Variants in DENND1A observed in about 807,000 individuals in gnomAD.
DENND1A encodes DENN domain containing 1A, also known as DENN domain-containing protein 1A.
Under a neutral mutation model 113.7 loss-of-function variants are expected in DENND1A, and 51 were observed. The observed-to-expected ratio is 0.45, with a 90% CI of 0.36 to 0.57. The LOEUF is 0.57. Among genes scored for constraint, DENND1A ranks in the 20% least tolerant of loss-of-function variants. The probability of loss-of-function intolerance (pLI) is 0.00; values close to 1 mark genes in which losing one functional copy is unlikely to be tolerated. For missense variants in DENND1A, 1,258 were observed against 1,395.9 expected, an observed-to-expected ratio of 0.90 and a Z score of 1.57; for synonymous variants, 565 against 570.8, an observed-to-expected ratio of 0.99 and a Z score of 0.14.
intron 14 of DENND1A, 139 bp from the exon 15 acceptor site, chr9:123,457,574 C>T (rs1012658271): frequency 6.8e-5 from 54 of 794,756 alleles, no homozygotes; most frequent in Non-Finnish European, 3.6e-5. Context: ...TCTAAAATAC[C>T]GGCTGCATAT....
chr9:123,642,066 G>A (rs1312109684), intron 9 of DENND1A, among the ~76,000 whole-genome samples: 1 of 152,196 alleles, frequency 6.6e-6, no homozygotes, highest in Non-Finnish European at 1.5e-5. Context: ...ACCATGGCTG[G>A]TTGAAGTCAC....
intron 2 of DENND1A, among the ~76,000 whole-genome samples, chr9:123,812,930 T>C (rs1836865499): frequency 6.6e-6 from 1 of 152,140 alleles, no homozygotes; most frequent in Non-Finnish European, 1.5e-5. Flanking sequence ...AAGAGTCAAG[T>C]CTTTTTCAAC....
In DENND1A at chr9:123,723,571, T is replaced by C. The variant is rs150336677; in HGVS notation, c.302+34132A>G. Among the ~76,000 whole-genome samples, 397 of 152,264 alleles carry C rather than the reference T, an allele frequency of 2.6e-3. 1 individual carries two copies. Among genetic ancestry groups the C allele is most frequent in the Admixed American group, 3.7e-3 (56 of 15,296 alleles). ...AGGTAACTTATTCATGGGGGTGGTC[T>C]TTCCCATGCTGTTCTCGTGACAATG... On this transcript the variant is annotated intron_variant, in intron 5 of 23. Transcript: ENST00000394215.
At chr9:123,609,140 C>T (rs900413840) in intron 11 of DENND1A, among the ~76,000 whole-genome samples, 3 of 152,178 alleles carry the variant, frequency 2.0e-5, no homozygotes, top group Non-Finnish European at 4.4e-5. Flanking sequence ...TTTTGAAAAG[C>T]AAATCATTTC....
chr9:123,860,017 G>C (rs1481124924), intron 2 of DENND1A, among the ~76,000 whole-genome samples: 1 of 152,142 alleles, frequency 6.6e-6, no homozygotes, highest in Admixed American at 6.5e-5. Flanking sequence ...TGAGATGACA[G>C]CATTAAATAT....
chr9:123,579,127 A>G (rs1272793711), intron 12 of DENND1A, among the ~76,000 whole-genome samples: 1 of 152,246 alleles, frequency 6.6e-6, no homozygotes, highest in Non-Finnish European at 1.5e-5. Flanking sequence ...CCTGCGGATC[A>G]TAATTCACAT....
chr9:123,574,081 A>T (rs1249788000), intron 12 of DENND1A, among the ~76,000 whole-genome samples: 1 of 151,686 alleles, frequency 6.6e-6, no homozygotes, highest in Non-Finnish European at 1.5e-5. Context: ...CACATCTTTT[A>T]AAAAAGGTTA....
intron 15 of DENND1A, among the ~76,000 whole-genome samples, chr9:123,455,868 C>G (rs1235212310): frequency 6.6e-6 from 1 of 152,222 alleles, no homozygotes; most frequent in Non-Finnish European, 1.5e-5. Flanking sequence ...GTCAAGCCCT[C>G]ACATTACACA....
chr9:123,745,289 C>T (rs2069395812), intron 5 of DENND1A, among the ~76,000 whole-genome samples: 1 of 152,204 alleles, frequency 6.6e-6, no homozygotes, highest in South Asian at 2.1e-4. Flanking sequence ...ACTCCAGGGA[C>T]TGCCTCTTTC....
intron 1 of DENND1A, among the ~76,000 whole-genome samples, chr9:123,882,019 A>ACT (rs1266269119): frequency 2.0e-5 from 3 of 151,826 alleles, no homozygotes; most frequent in Non-Finnish European, 4.4e-5. Context: ...TTCCTACCTC[A>ACT]CTGGCTACTC....
intron 1 of DENND1A, among the ~76,000 whole-genome samples, chr9:123,900,402 A>T (rs1851421135): frequency 6.6e-6 from 1 of 152,204 alleles, no homozygotes; most frequent in Non-Finnish European, 1.5e-5. Flanking sequence ...AAGCCCACAC[A>T]CTATGAGAAA....
At chr9:123,904,286 C>G (rs1852334950) in intron 1 of DENND1A, among the ~76,000 whole-genome samples, 1 of 151,824 alleles carries the variant, frequency 6.6e-6, no homozygotes, top group African/African-American at 2.4e-5. Context: ...AACAGAAAAA[C>G]TGGAAACTCT....
chr9:123,902,400 G>C (rs530331141), intron 1 of DENND1A, among the ~76,000 whole-genome samples: 3 of 152,122 alleles, frequency 2.0e-5, no homozygotes, highest in South Asian at 2.1e-4. Context: ...TTCTACCTTC[G>C]TGGTGCAAAT....
Position 123,382,375 on chromosome 9 carries a change from C to T in DENND1A, c.2270G>A (p.Ser757Asn), listed in dbSNP as rs753189230. ...GCCTTGGGGCCGGGGGATGGTGATG[C>T]TGCCCAGAGTAGGGGTGGGCACCTC... ...KEEVPTPTLGSITIPRPQGRK... is the reference protein window; with the variant it reads ...KEEVPTPTLGNITIPRPQGRK... Residue 757 changes from serine to asparagine, a missense_variant, in exon 24 of 24, where the codon AGC becomes AAC. By Grantham distance (46) the Ser-to-Asn change is conservative (BLOSUM62 1). Transcript: ENST00000394215. 3 of 1,598,698 alleles carry T rather than the reference C, an allele frequency of 1.9e-6. No homozygotes were observed. In the African/African-American group the frequency reaches 4.0e-5, roughly 21 times the overall value.
At chr9:123,678,400 A>C (rs2064228900) in intron 5 of DENND1A, among the ~76,000 whole-genome samples, 1 of 152,196 alleles carries the variant, frequency 6.6e-6, no homozygotes, top group South Asian at 2.1e-4. Context: ...CTCTAGAAGG[A>C]AATTTTCCAA....
chr9:123,911,217 C>G (rs920544114), intron 1 of DENND1A, among the ~76,000 whole-genome samples: 2 of 152,108 alleles, frequency 1.3e-5, no homozygotes, highest in African/African-American at 4.8e-5. Flanking sequence ...ATTAAAACCA[C>G]AATGAGCTAC....
At chr9:123,867,964 C>G (rs1846015330) in intron 2 of DENND1A, among the ~76,000 whole-genome samples, 2 of 151,998 alleles carry the variant, frequency 1.3e-5, no homozygotes, top group African/African-American at 4.8e-5. Context: ...AGAAATGAAC[C>G]CAACACAGAA....
intron 4 of DENND1A, among the ~76,000 whole-genome samples, chr9:123,758,485 AGAG>A (rs2070764326): frequency 6.6e-6 from 1 of 152,212 alleles, no homozygotes; most frequent in African/African-American, 2.4e-5. Context: ...ACAGCTACAA[AGAG>A]GAGGAGCTGA....
Position 123,381,916 on chromosome 9 carries a change from G to C in DENND1A, c.2729C>G (p.Ser910Cys), listed in dbSNP as rs1203905394. 3.1e-6 allele frequency: 3 copies of C among 970,616 alleles called. No individual in the cohort carries two copies. The highest frequency in any genetic ancestry group is 3.5e-4 in the Middle Eastern group (1 of 2,832). The allele number at this position is 970,616 out of a possible 1,614,324, so 60.1% of individuals were successfully genotyped here. Residue 910 changes from serine to cysteine, a missense_variant, in exon 24 of 24, where the codon TCC becomes TGC. Coordinates refer to ENST00000394215, the MANE Select transcript of DENND1A (RefSeq NM_001352964.2). The surrounding 1 kb of genome is among the most constrained non-coding windows in gnomAD (Gnocchi z 4.7). ...GGCCCCGAAAGGCCCGGCTGGTGTG[G>C]AGACCAGGGGCAGGGTGGGTGGGGC... ...PAAPPTLPLVSTPAGPFGAPP... is the reference protein window; with the variant it reads ...PAAPPTLPLVCTPAGPFGAPP...
Sources: allele counts gnomAD v4.1 joint callset (sites outside exome capture counted in the v4.1 genomes callset), GRCh38; gene constraint gnomAD v4.1.1; non-coding constraint Gnocchi (gnomAD v3.1); transcripts MANE v1.5; gene names NCBI Gene and HGNC (gene_info 2026-07-23, HGNC 2026-07-21).